STXBP6: variants seen among roughly 807,000 people sequenced by gnomAD.
STXBP6 encodes the protein syntaxin binding protein 6.
Under a neutral mutation model 26.9 loss-of-function variants are expected in STXBP6, and 21 were observed. That is an observed-to-expected ratio of 0.78 (90% CI 0.55 to 1.12). The LOEUF (loss-of-function observed/expected upper bound fraction) is 1.12, where lower values mean the gene tolerates loss of function less well. Among genes scored for constraint, STXBP6 ranks in the 50% most tolerant of loss-of-function variants. STXBP6 has a pLI of 0.00. For synonymous variants in STXBP6, 97 were observed against 92.6 expected (o/e 1.05, Z -0.27); for missense variants, 232 against 257.9 (o/e 0.90, Z 0.69).
At position 25,049,104 on chromosome 14, in the gene STXBP6, A is replaced by AC. The variant is rs2075767070; in HGVS notation, c.-33+773dup. ...AACAAGATGTCTTTCCAAATTCTCC[A>AC]CCTGCAGGTCCTGTCCTCTGTGAAG... On this transcript the variant is annotated intron_variant, in intron 1 of 5. Transcript: ENST00000323944. The surrounding 1 kb of genome is among the most constrained non-coding windows in gnomAD (Gnocchi z 5.6). The AC allele has an allele frequency of 1.1e-6, 1 of 951,850 alleles. No individual in the cohort carries two copies. The highest frequency in any genetic ancestry group is 1.8e-5 in the African/African-American group (1 of 56,538). 59.0% of individuals were successfully genotyped at this position (951,850 alleles called of 1,614,324 possible).
intron 2 of STXBP6, among the ~76,000 whole-genome samples, chr14:24,968,169 G>GAA (rs2073793353): frequency 1.5e-5 from 2 of 131,472 alleles, no homozygotes; most frequent in Non-Finnish European, 3.1e-5. Flanking sequence ...ATATAATAAA[G>GAA]AATATATATA....
At chr14:24,910,889 T>C (rs2071547179) in intron 2 of STXBP6, among the ~76,000 whole-genome samples, 1 of 151,848 alleles carries the variant, frequency 6.6e-6, no homozygotes. Context: ...TGGCCACTTG[T>C]GAGGAGAAAA....
chr14:24,886,137 G>A (rs1224634250), intron 2 of STXBP6, among the ~76,000 whole-genome samples: 6 of 152,158 alleles, frequency 3.9e-5, no homozygotes, highest in African/African-American at 7.2e-5. Context: ...TATGACCTGC[G>A]AAACTTCTAC....
At chr14:24,988,208 T>C (rs1271147483) in intron 1 of STXBP6, among the ~76,000 whole-genome samples, 1 of 152,218 alleles carries the variant, frequency 6.6e-6, no homozygotes, top group Non-Finnish European at 1.5e-5. Flanking sequence ...CCCTAGTGCA[T>C]ACTGGTCCTT....
rs553500813 is a variant in STXBP6, at chr14:24,861,330, T to C, written c.155-4173A>G. On this transcript the variant is annotated intron_variant, in intron 2 of 5. Coordinates refer to ENST00000323944, the MANE Select transcript of STXBP6 (RefSeq NM_001394410.1). ...GTAAAAAAAAGAGGCAGTATTCACA[T>C]AGAATATTATCAGGGCTGCTGTGTG... Among the ~76,000 whole-genome samples, 4 of 152,188 alleles carry C rather than the reference T, an allele frequency of 2.6e-5. No homozygotes were observed. In the East Asian group the frequency reaches 5.8e-4, roughly 22 times the overall value.
chr14:25,030,042 A>T (rs2140461395), intron 1 of STXBP6, among the ~76,000 whole-genome samples: 1 of 152,334 alleles, frequency 6.6e-6, no homozygotes, highest in Non-Finnish European at 1.5e-5. Context: ...CATATCTCAT[A>T]AGGTTACCAT....
intron 2 of STXBP6, among the ~76,000 whole-genome samples, chr14:24,925,041 G>A (rs1422935749): frequency 6.6e-6 from 1 of 152,154 alleles, no homozygotes; most frequent in Non-Finnish European, 1.5e-5. Context: ...TGTTCGTGGT[G>A]TTGTATTCAA....
chr14:24,838,428 G>A (rs1452264837), intron 4 of STXBP6, among the ~76,000 whole-genome samples: 1 of 152,196 alleles, frequency 6.6e-6, no homozygotes, highest in Non-Finnish European at 1.5e-5. Flanking sequence ...GCTCATGCCT[G>A]TAATCCGAGC....
At chr14:24,883,805 C>G (rs1412524711) in intron 2 of STXBP6, among the ~76,000 whole-genome samples, 1 of 152,140 alleles carries the variant, frequency 6.6e-6, no homozygotes, top group Admixed American at 6.5e-5. Flanking sequence ...CCCTGGGATT[C>G]TTCTGCAAAA....
intron 2 of STXBP6, among the ~76,000 whole-genome samples, chr14:24,883,903 TTAAG>T (rs2070471520): frequency 6.6e-6 from 1 of 152,194 alleles, no homozygotes; most frequent in Non-Finnish European, 1.5e-5. Flanking sequence ...ACACAAGCTC[TTAAG>T]TAATTGGCAA....
intron 1 of STXBP6, among the ~76,000 whole-genome samples, chr14:24,985,844 T>C (rs1341305783): frequency 6.6e-6 from 1 of 152,196 alleles, no homozygotes; most frequent in East Asian, 1.9e-4. Context: ...TGCCTGGAAG[T>C]GATCCTAGTG....
At chr14:25,006,589 G>C (rs1439357042) in intron 1 of STXBP6, among the ~76,000 whole-genome samples, 1 of 152,188 alleles carries the variant, frequency 6.6e-6, no homozygotes, top group Non-Finnish European at 1.5e-5. Flanking sequence ...TCAAGCAAGG[G>C]AGATAAATTC....
At chr14:24,981,278 A>T (rs2074185072) in intron 1 of STXBP6, among the ~76,000 whole-genome samples, 1 of 148,306 alleles carries the variant, frequency 6.7e-6, no homozygotes, top group Non-Finnish European at 1.5e-5. Flanking sequence ...GTATGTGAGT[A>T]TTTTTTTTTT....
At chr14:24,845,347 G>A (rs1381565313) in intron 4 of STXBP6, among the ~76,000 whole-genome samples, 5 of 152,202 alleles carry the variant, frequency 3.3e-5, no homozygotes, top group Admixed American at 3.3e-4. Flanking sequence ...CCTAAGAAAT[G>A]TGTAAAAAAC....
chr14:24,847,902 T>C (rs1566406625), intron 4 of STXBP6, among the ~76,000 whole-genome samples: 1 of 152,168 alleles, frequency 6.6e-6, no homozygotes, highest in Admixed American at 6.5e-5. Flanking sequence ...ATGTCAAACA[T>C]AAAATGCAAC....
intron 2 of STXBP6, among the ~76,000 whole-genome samples, chr14:24,951,637 C>T (rs1373504603): frequency 6.6e-6 from 1 of 152,124 alleles, no homozygotes; most frequent in Non-Finnish European, 1.5e-5. Context: ...GAATGCCAAG[C>T]AACTCTATTA....
chr14:24,838,412 G>A (rs1166144849), intron 4 of STXBP6, among the ~76,000 whole-genome samples: 4 of 152,198 alleles, frequency 2.6e-5, no homozygotes, highest in Admixed American at 2.0e-4. Context: ...CAGGCTGGGC[G>A]TGGTGGCTCA....
chr14:24,948,032 C>T (rs2073048992), intron 2 of STXBP6, among the ~76,000 whole-genome samples: 1 of 152,166 alleles, frequency 6.6e-6, no homozygotes, highest in South Asian at 2.1e-4. Context: ...ACGGCAGTCT[C>T]CATATGCAGT....
rs1252041775 is a variant in STXBP6 at position 24,811,635 on chromosome 14, G to A, written c.*1074C>T. 2 of 152,066 alleles carry A rather than the reference G, an allele frequency of 1.3e-5. No homozygotes were observed. The highest frequency in any genetic ancestry group is 2.9e-5 in the Non-Finnish European group (2 of 68,012). 9.4% of individuals were successfully genotyped at this position (152,066 alleles called of 1,614,324 possible). A position where few individuals can be genotyped will look rare whatever the true frequency, so the allele number is the denominator to read the frequency against. ...AGGCAAGGTGCAATTGCCATGAAAT[G>A]CAATTTGTCAAGAAACTCACATATT... On this transcript the variant is annotated 3_prime_UTR_variant, in exon 6 of 6. Coordinates refer to ENST00000323944, the MANE Select transcript of STXBP6 (RefSeq NM_001394410.1).
Sources: allele counts gnomAD v4.1 joint callset (sites outside exome capture counted in the v4.1 genomes callset), GRCh38; gene constraint gnomAD v4.1.1; non-coding constraint Gnocchi (gnomAD v3.1); transcripts MANE v1.5; gene names NCBI Gene and HGNC (gene_info 2026-07-23, HGNC 2026-07-21).